The following PYROXD2 variants were observed in gnomAD, a reference collection of about 807,000 sequenced individuals.
PYROXD2 encodes pyridine nucleotide-disulfide oxidoreductase domain-containing protein 2.
Under a neutral mutation model 71.1 loss-of-function variants are expected in PYROXD2, and 69 were observed. The ratio of observed to expected loss-of-function variants is 0.97; its 90% confidence interval spans 0.80 to 1.19. The LOEUF is 1.19. PYROXD2 is among the 50% of genes most tolerant of loss of function. The pLI is 0.00. For missense variants in PYROXD2, 745 were observed against 748.9 expected (o/e 0.99, Z 0.06); for synonymous variants, 287 against 302.7 (o/e 0.95, Z 0.54).
At chr10:98,388,589 T>C (rs963212278) in intron 12 of PYROXD2, 81 bp from the exon 13 acceptor site, 5 of 1,378,260 alleles carry the variant, frequency 3.6e-6, no homozygotes, top group Non-Finnish European at 3.8e-6. Flanking sequence ...TGGGACACAG[T>C]GGAGGCCCTG....
intron 4 of PYROXD2, among the ~76,000 whole-genome samples, chr10:98,400,589 C>T (rs1029220356): frequency 5.3e-5 from 8 of 151,918 alleles, no homozygotes; most frequent in African/African-American, 1.7e-4. Flanking sequence ...CCATGTCATA[C>T]CACACCCTAC....
Position 98,397,348 on chromosome 10 carries a change from C to T in PYROXD2, c.622G>A (p.Ala208Thr), listed in dbSNP as rs1356826873. The T allele has an allele frequency of 6.3e-7, 1 of 1,595,620 alleles. No individual in the cohort carries two copies. ...TGGTGCCTGCACTTGGACTTACCTG[C>T]CTTCAGCAGGGGCTTGAGGGTGGAG... is the stretch of plus-strand genomic sequence containing the variant. ...SLSTLKPLLK[A>T]GRILGAQLPR... Residue 208 changes from alanine to threonine, a missense_variant, in exon 6 of 16, where the codon GCA (alanine) becomes ACA (threonine). Coordinates refer to ENST00000370575, the MANE Select transcript of PYROXD2 (RefSeq NM_032709.3).
chr10:98,413,543 G>A (rs923710331), intron 1 of PYROXD2, among the ~76,000 whole-genome samples: 8 of 151,854 alleles, frequency 5.3e-5, no homozygotes, highest in South Asian at 2.1e-4. Flanking sequence ...GTGAAACCCC[G>A]TCTCTACTAA....
chr10:98,400,255 T>C lies in PYROXD2; in HGVS notation c.318A>G (p.Lys106=). The C allele has an allele frequency of 6.2e-7, 1 of 1,607,942 alleles. No individual in the cohort carries two copies. Among genetic ancestry groups the C allele is most frequent in the Non-Finnish European group, 8.5e-7 (1 of 1,176,000 alleles). The change falls in exon 5 of 16, where the codon AAA becomes AAG. Residue 106 remains lysine (K), a splice_region_variant and synonymous_variant. Transcript: ENST00000370575. Reference sequence around the variant, plus strand: ...TTCGAAGATGAAGCCTCAGCCCATGTTTCTGCAAAACACAAATAGCATGGG... The same window carrying C: ...TTCGAAGATGAAGCCTCAGCCCATGCTTCTGCAAAACACAAATAGCATGGG... The part of the protein sequence containing the change: ...PQIYTDLELK[K]HGLRLHLRNP...
intron 14 of PYROXD2, 101 bp downstream of exon 14, chr10:98,387,100 A>G: frequency 1.2e-6 from 1 of 854,962 alleles, no homozygotes; most frequent in Non-Finnish European, 1.8e-6. Context: ...TCCTGATGAA[A>G]GCTGAGTATG....
At chr10:98,392,692 C>T (rs1270506802) in intron 9 of PYROXD2, 126 bp from the exon 10 acceptor site, 4 of 1,459,228 alleles carry the variant, frequency 2.7e-6, no homozygotes, top group East Asian at 2.3e-5. Flanking sequence ...ACCCATCCCA[C>T]CAAGTTCTGC....
rs552656159 is a variant in PYROXD2, at chr10:98,385,053, G to T, written c.1569C>A (p.Cys523Ter). ...FGLPGGNIFHCAMSLDQLYFA... is the reference protein window; with the variant it reads ...FGLPGGNIFH ...AGTAGAGCTGGTCCAGGGACATGGC[G>T]CAGTGGAATATGTTCTGCAGAGGCA... The change falls in exon 15 of 16, where the codon TGC becomes TGA. Residue 523 changes from cysteine to a stop codon, truncating the protein, a stop_gained. Coordinates refer to ENST00000370575, the MANE Select transcript of PYROXD2 (RefSeq NM_032709.3). LOFTEE classifies it high-confidence loss of function. 29 of 1,613,722 alleles carry T rather than the reference G, an allele frequency of 1.8e-5. No homozygotes were observed. Among genetic ancestry groups the T allele is most frequent in the Non-Finnish European group, 2.5e-5 (29 of 1,179,906 alleles).
intron 15 of PYROXD2, 44 bp from the exon 16 acceptor site, chr10:98,383,912 T>G: frequency 1.9e-6 from 3 of 1,544,540 alleles, no homozygotes; most frequent in South Asian, 1.1e-5. Flanking sequence ...CTCAAAAACC[T>G]GCCAGGGTGG....
chr10:98,401,996 T>C (rs1473948489), intron 4 of PYROXD2, among the ~76,000 whole-genome samples: 1 of 152,260 alleles, frequency 6.6e-6, no homozygotes. Flanking sequence ...TATCAAGTAT[T>C]ATGTACTGTA....
rs1843957491 is a variant in PYROXD2, at chr10:98,415,023, A to G, written c.113T>C (p.Val38Ala). The G allele has an allele frequency of 1.2e-6, 2 of 1,610,968 alleles. No homozygotes were observed. Among genetic ancestry groups the G allele is most frequent in the Middle Eastern group, 1.7e-4 (1 of 6,060 alleles). ...RGGLKPEYDA[V>A]VIGAGHNGLV... ...TACCACTTTACCTGCTCCTATCACC[A>G]CCGCATCATACTCAGGCTTCAGACC... is the stretch of plus-strand genomic sequence containing the variant. Residue 38 changes from valine (V) to alanine (A), a missense_variant, in exon 1 of 16, where the codon GTG (valine) becomes GCG (alanine). Physicochemically the swap from Val to Ala is moderately conservative, Grantham distance 64. Transcript: ENST00000370575.
intron 14 of PYROXD2, among the ~76,000 whole-genome samples, chr10:98,385,479 A>G (rs142627850): frequency 4.0e-4 from 61 of 152,376 alleles, no homozygotes; most frequent in African/African-American, 1.4e-3. Flanking sequence ...CAGCAGGATC[A>G]CTGTGAATGG....
At chr10:98,402,228 G>T (rs1007193050) in intron 4 of PYROXD2, among the ~76,000 whole-genome samples, 10 of 152,166 alleles carry the variant, frequency 6.6e-5, no homozygotes, top group African/African-American at 2.4e-4. Flanking sequence ...AAAGCAACAC[G>T]AGAGGCTCAT....
At chr10:98,414,858 T>C (rs1590989387) in intron 1 of PYROXD2, 151 bp downstream of exon 1, 2 of 1,214,684 alleles carry the variant, frequency 1.6e-6, no homozygotes, top group East Asian at 2.6e-5. Flanking sequence ...GGGCTTTCCA[T>C]TGCAGCCCCT....
At chr10:98,398,208 T>C (rs1843265951) in intron 5 of PYROXD2, among the ~76,000 whole-genome samples, 1 of 152,130 alleles carries the variant, frequency 6.6e-6, no homozygotes. Context: ...CCTATATTAT[T>C]GGTAGAAGTT....
chr10:98,413,835 A>G (rs1843871836), intron 1 of PYROXD2: 1 of 152,286 alleles, frequency 6.6e-6, no homozygotes, highest in African/African-American at 2.4e-5. Flanking sequence ...GAAAATATGG[A>G]GCACCGTTCT....
chr10:98,399,727 A>C (rs1010863731), intron 5 of PYROXD2, among the ~76,000 whole-genome samples: 2 of 152,126 alleles, frequency 1.3e-5, no homozygotes, highest in African/African-American at 4.8e-5. Context: ...TTTGGCTTTC[A>C]TGTGCTTTAA....
At position 98,385,032 on chromosome 10, in the gene PYROXD2, G is replaced by C; in HGVS notation, c.1590C>G (p.Leu530=). 1 of 1,613,920 alleles carries C rather than the reference G, an allele frequency of 6.2e-7. No individual in the cohort carries two copies. Among genetic ancestry groups the C allele is most frequent in the Non-Finnish European group, 8.5e-7 (1 of 1,179,910 alleles). ...IFHCAMSLDQ[L]YFARPVPLHS... is the part of the protein sequence containing the mutation. ...GCAGGGGCACGGGGCGGGCGAAGTA[G>C]AGCTGGTCCAGGGACATGGCGCAGT... The change falls in exon 15 of 16, where the codon CTC becomes CTG. Residue 530 remains leucine (L), a synonymous_variant. Coordinates refer to ENST00000370575, the MANE Select transcript of PYROXD2 (RefSeq NM_032709.3).
intron 5 of PYROXD2, 36 bp downstream of exon 5, chr10:98,400,066 G>C: frequency 1.2e-6 from 2 of 1,604,060 alleles, no homozygotes; most frequent in Admixed American, 3.4e-5. Context: ...AGGCTGCTGA[G>C]GGAGCAGGAG....
At chr10:98,402,254 T>G (rs1294442981) in intron 4 of PYROXD2, among the ~76,000 whole-genome samples, 1 of 152,192 alleles carries the variant, frequency 6.6e-6, no homozygotes, top group Non-Finnish European at 1.5e-5. Flanking sequence ...TTAAATAATT[T>G]GTCCCAGGTC....
Sources: gnomAD v4.1 joint callset for allele counts (sites outside exome capture counted in the v4.1 genomes callset) on GRCh38, gnomAD v4.1.1 for gene constraint, MANE v1.5 for transcripts, NCBI Gene and HGNC (gene_info 2026-07-23, HGNC 2026-07-21) for gene names.